Variants in OVCH1 observed in about 807,000 individuals in gnomAD.
OVCH1 encodes ovochymase 1.
In OVCH1, 139 loss-of-function variants were observed where a neutral mutation model predicts 138.4. The observed-to-expected ratio is 1.00, with a 90% confidence interval of 0.87 to 1.16. The LOEUF is 1.16. Among genes scored for constraint, OVCH1 ranks in the 50% most tolerant of loss-of-function variants. OVCH1 has a pLI of 0.00. For missense variants in OVCH1, 1,367 were observed against 1,357.9 expected (o/e 1.01, Z -0.11); for synonymous variants, 453 against 467.8 (o/e 0.97, Z 0.41).
At chr12:29,416,937 T>G (rs1211790862) in intron 3 of OVCH1, among the ~76,000 whole-genome samples, 2 of 152,098 alleles carry the variant, frequency 1.3e-5, no homozygotes, top group Admixed American at 1.3e-4. Context: ...TTAAACAAAC[T>G]GTGGTACATT....
At chr12:29,486,251 C>G (rs2136070086) in exon 8 of OVCH1, 1 of 1,610,596 alleles carries the variant, frequency 6.2e-7, no homozygotes, top group Non-Finnish European at 8.5e-7. Context: ...CACACATACC[C>G]TTTCCTCTCT....
intron 14 of OVCH1, 71 bp downstream of exon 14, chr12:29,474,990 A>C (rs1172487975): frequency 1.3e-6 from 2 of 1,484,828 alleles, no homozygotes; most frequent in African/African-American, 2.9e-5. Context: ...TGAGGTAAAC[A>C]TGGCTAAATT....
chr12:29,408,240 A>G (rs1303914742), downstream of OVCH1, among the ~76,000 whole-genome samples: 1 of 127,434 alleles, frequency 7.8e-6, no homozygotes, highest in Non-Finnish European at 1.9e-5. Context: ...ATATACAATC[A>G]TGTTGTCTGC....
At chr12:29,480,492 T>A (rs960914956) in intron 8 of OVCH1, among the ~76,000 whole-genome samples, 3 of 152,234 alleles carry the variant, frequency 2.0e-5, no homozygotes, top group African/African-American at 7.2e-5. Flanking sequence ...ATGCCAACTT[T>A]GATTTATTAT....
At chr12:29,486,883 C>G (rs1356406152) in intron 7 of OVCH1, 4 of 455,308 alleles carry the variant, frequency 8.8e-6, no homozygotes, top group Non-Finnish European at 1.8e-5. Flanking sequence ...CTTTCCCTTC[C>G]AGGTGATCAA....
intron 12 of OVCH1, among the ~76,000 whole-genome samples, chr12:29,476,749 A>AGG (rs1555151632): frequency 5.8e-5 from 1 of 17,160 alleles, no homozygotes; most frequent in African/African-American, 1.0e-4. Context: ...ATAAGTACAC[A>AGG]CGCGCGCACA....
rs184542824 is a variant in OVCH1 at position 29,430,904 on chromosome 12, C to T, written c.3327+2847G>A. The T allele has an allele frequency of 2.6e-3, 1,341 of 518,550 alleles. 12 individuals are homozygous for T. The Middle Eastern group carries it at 0.033, about 13-fold the overall frequency. 32.1% of individuals were successfully genotyped at this position (518,550 alleles called of 1,614,324 possible). On this transcript the variant is annotated intron_variant, in intron 27 of 27. Coordinates refer to ENST00000318184, the Ensembl canonical transcript of OVCH1. Reference sequence around the variant, plus strand: ...TCTCCATGTGGCCTTTTCCCAGTACCTCTAGCTGCCCTCCCAGAGTACCCC... The same window carrying T: ...TCTCCATGTGGCCTTTTCCCAGTACTTCTAGCTGCCCTCCCAGAGTACCCC...
intron 16 of OVCH1, among the ~76,000 whole-genome samples, chr12:29,471,226 A>G (rs1942498451): frequency 6.6e-6 from 1 of 152,222 alleles, no homozygotes; most frequent in African/African-American, 2.4e-5. Flanking sequence ...TATTATGTAT[A>G]TTATTTCATA....
intron 5 of OVCH1, among the ~76,000 whole-genome samples, chr12:29,490,272 A>G (rs1592116792): frequency 6.6e-6 from 1 of 151,826 alleles, no homozygotes; most frequent in East Asian, 1.9e-4. Flanking sequence ...TTGTGGAGAC[A>G]AGGTCTTCCT....
chr12:29,458,535 A>G (rs1942027848), intron 19 of OVCH1, among the ~76,000 whole-genome samples: 1 of 152,186 alleles, frequency 6.6e-6, no homozygotes. Context: ...CTCAAACTAT[A>G]AAATTAATAA....
downstream of OVCH1, among the ~76,000 whole-genome samples, chr12:29,410,398 C>G (rs1210625580): frequency 1.3e-5 from 2 of 151,318 alleles, no homozygotes; most frequent in East Asian, 3.9e-4. Flanking sequence ...CAGTTTCTTC[C>G]TAGTCTTGAT....
intron 24 of OVCH1, 110 bp from the exon 25 acceptor site, chr12:29,443,610 T>C: frequency 2.7e-6 from 3 of 1,098,824 alleles, no homozygotes; most frequent in Non-Finnish European, 3.7e-6. Flanking sequence ...GTGAGCCTTA[T>C]TTTTTGTGTC....
intron 18 of OVCH1, 51 bp from the exon 19 acceptor site, chr12:29,462,059 G>A: frequency 6.4e-7 from 1 of 1,570,228 alleles, no homozygotes; most frequent in Non-Finnish European, 8.7e-7. Flanking sequence ...AGCAGAAAGT[G>A]TTGTTAGAAA....
At chr12:29,473,372 T>C (rs1310041784) in intron 14 of OVCH1, among the ~76,000 whole-genome samples, 1 of 152,188 alleles carries the variant, frequency 6.6e-6, no homozygotes, top group Non-Finnish European at 1.5e-5. Flanking sequence ...CTGTTTTCAA[T>C]ATCAGTCTTT....
chr12:29,465,165 C>T, exon 17 of OVCH1: 1 of 1,603,722 alleles, frequency 6.2e-7, no homozygotes, highest in Non-Finnish European at 8.5e-7. Flanking sequence ...TTGATTCCTT[C>T]AGGTTTCTGT....
chr12:29,450,678 A>C (rs1370560053), intron 22 of OVCH1, among the ~76,000 whole-genome samples: 1 of 152,210 alleles, frequency 6.6e-6, no homozygotes, highest in Non-Finnish European at 1.5e-5. Flanking sequence ...ATATACCCAA[A>C]GGATTATAAA....
At position 29,476,334 on chromosome 12, in the gene OVCH1, A is replaced by C. The variant is rs769942253; in HGVS notation, c.1378-35T>G. 5 of 1,526,256 alleles carry C rather than the reference A, an allele frequency of 3.3e-6. No individual in the cohort carries two copies. The East Asian group carries it at 1.1e-4, about 34-fold the overall frequency. 94.5% of individuals were successfully genotyped at this position (1,526,256 alleles called of 1,614,324 possible). ...TGGAAACATAACCAGGGAAATGGTC[A>C]AAGAAGAGAAGAGAGAAGCTTAAAG... On this transcript the variant is annotated intron_variant, in intron 12 of 27. Coordinates refer to ENST00000318184, the Ensembl canonical transcript of OVCH1.
In OVCH1 at chr12:29,456,361, ATAGT is replaced by A. The variant is rs1489415265; in HGVS notation, c.2281-960_2281-957del. Among the ~76,000 whole-genome samples the A allele has an allele frequency of 2.6e-5, 4 of 152,324 alleles. 1 individual carries two copies. The highest frequency in any genetic ancestry group is 4.1e-4 in the South Asian group (2 of 4,824). Reference sequence around the variant, plus strand: ...GGAAAGACACATGGAAATTTAACTTATAGTTAATTTTTTGTACTCTCTTAGATAT... The same window carrying A: ...GGAAAGACACATGGAAATTTAACTTATAATTTTTTGTACTCTCTTAGATAT... On this transcript the variant is annotated intron_variant, in intron 19 of 27. Transcript: ENST00000318184.
At chr12:29,491,615 G>GA (rs1943274838) in intron 4 of OVCH1, among the ~76,000 whole-genome samples, 1 of 152,094 alleles carries the variant, frequency 6.6e-6, no homozygotes, top group Non-Finnish European at 1.5e-5. Context: ...GGGAAGCTTA[G>GA]AAAAAATATG....
Sources: gnomAD v4.1 joint callset for allele counts (sites outside exome capture counted in the v4.1 genomes callset) on GRCh38, gnomAD v4.1.1 for gene constraint, MANE v1.5 for transcripts, NCBI Gene and HGNC (gene_info 2026-07-23, HGNC 2026-07-21) for gene names.